RPS6KA2: variants seen among roughly 807,000 people sequenced by gnomAD.
RPS6KA2 encodes ribosomal protein S6 kinase A2.
In RPS6KA2, 42 loss-of-function variants were observed where a neutral mutation model predicts 91.8. The ratio of observed to expected loss-of-function variants is 0.46; its 90% confidence interval spans 0.36 to 0.59. The LOEUF is 0.59. Ranked by LOEUF, RPS6KA2 falls within the 20% of genes least tolerant of loss-of-function variation. The pLI is 0.00. For synonymous variants in RPS6KA2, 414 were observed against 393.6 expected (o/e 1.05, Z -0.61); for missense variants, 798 against 978.5 (o/e 0.82, Z 2.46).
At chr6:166,552,771 C>G (rs1784059887) in intron 1 of RPS6KA2, among the ~76,000 whole-genome samples, 1 of 152,102 alleles carries the variant, frequency 6.6e-6, no homozygotes, top group Non-Finnish European at 1.5e-5. Flanking sequence ...ATCGAGGATG[C>G]TATTTCCGAA....
intron 3 of RPS6KA2, among the ~76,000 whole-genome samples, chr6:166,521,840 C>T (rs148074445): frequency 1.3e-5 from 2 of 152,180 alleles, no homozygotes; most frequent in African/African-American, 4.8e-5. Context: ...ATGTTCCCCC[C>T]ACTAAATTCA....
chr6:166,536,566 T>A (rs898329030), intron 2 of RPS6KA2, among the ~76,000 whole-genome samples: 1 of 152,204 alleles, frequency 6.6e-6, no homozygotes, highest in Admixed American at 6.5e-5. Flanking sequence ...TGAGCAACGC[T>A]TTTGAGAATA....
intron 2 of RPS6KA2, among the ~76,000 whole-genome samples, chr6:166,830,534 A>T (rs1225502719): frequency 1.3e-5 from 2 of 152,110 alleles, no homozygotes; most frequent in Non-Finnish European, 2.9e-5. Flanking sequence ...ATTTCTTTTT[A>T]AAAAAAGCTC....
rs551642317 is a variant in RPS6KA2, at chr6:166,418,082, T to C, written c.1938+143A>G. ...CAGCCTGGGTGAGACAGAGCGAGAC[T>C]CCATTTCAAGAAAAAAAAAAAAATA... On this transcript the variant is annotated intron_variant, in intron 19 of 20. Coordinates refer to ENST00000265678, the MANE Select transcript of RPS6KA2 (RefSeq NM_021135.6). This position sits in a 1 kb window ranked among gnomAD's most constrained non-coding sequence, Gnocchi z 4.9. The C allele has an allele frequency of 1.6e-4, 105 of 640,240 alleles. No individual in the cohort carries two copies. The East Asian group carries it at 2.5e-3, about 15-fold the overall frequency. The allele number at this position is 640,240 out of a possible 1,614,324, so 39.7% of individuals were successfully genotyped here.
At chr6:166,839,304 A>G (rs982319703) in intron 2 of RPS6KA2, among the ~76,000 whole-genome samples, 3 of 152,052 alleles carry the variant, frequency 2.0e-5, no homozygotes, top group African/African-American at 7.2e-5. Flanking sequence ...TATATATTTT[A>G]TACTGTGATG....
chr6:166,788,935 C>T (rs140021569), intron 2 of RPS6KA2, among the ~76,000 whole-genome samples: 32 of 152,236 alleles, frequency 2.1e-4, no homozygotes, highest in African/African-American at 6.5e-4. Context: ...GGGTGAGTGA[C>T]GCAGAAGACA....
intron 10 of RPS6KA2, among the ~76,000 whole-genome samples, chr6:166,480,347 C>T (rs1015151820): frequency 2.5e-4 from 38 of 151,700 alleles, no homozygotes; most frequent in East Asian, 5.8e-4. Flanking sequence ...AAAACATTCA[C>T]GGAAAGCAAC....
Position 166,612,882 on chromosome 6 carries a change from A to G in RPS6KA2, c.99+14039T>C, listed in dbSNP as rs888200695. ...CCCACTTGTTTCTTGACTCTTCTCC[A>G]CTCTTCCCCTTCTCTTGTCTTTCTT... On this transcript the variant is annotated intron_variant, in intron 1 of 20. Coordinates refer to ENST00000265678, the MANE Select transcript of RPS6KA2 (RefSeq NM_021135.6). The surrounding 1 kb of genome is among the most constrained non-coding windows in gnomAD (Gnocchi z 4.3). Among the ~76,000 whole-genome samples the G allele has an allele frequency of 2.7e-5, 4 of 150,890 alleles. No individual in the cohort carries two copies. The highest frequency in any genetic ancestry group is 6.6e-5 in the Admixed American group (1 of 15,192).
intron 2 of RPS6KA2, among the ~76,000 whole-genome samples, chr6:166,685,308 G>C (rs9348172): frequency 0.011 from 1,222 of 111,194 alleles, no homozygotes; most frequent in African/African-American, 0.023. Context: ...AGGCTGGAAG[G>C]ACAGAGGCCG....
intron 2 of RPS6KA2, among the ~76,000 whole-genome samples, chr6:166,761,685 A>G (rs564230610): frequency 7.9e-5 from 12 of 152,306 alleles, no homozygotes; most frequent in Admixed American, 7.8e-4. Flanking sequence ...GTTCACTTCC[A>G]TATCTTTGGA....
chr6:166,497,906 A>G (rs1458573537), intron 8 of RPS6KA2, among the ~76,000 whole-genome samples: 2 of 151,994 alleles, frequency 1.3e-5, no homozygotes, highest in East Asian at 1.9e-4. Flanking sequence ...CAGATTCCAG[A>G]GCACTCACTG....
At chr6:166,771,134 T>G (rs1051281123) in intron 2 of RPS6KA2, among the ~76,000 whole-genome samples, 6 of 152,238 alleles carry the variant, frequency 3.9e-5, no homozygotes, top group African/African-American at 1.2e-4. Flanking sequence ...TTGCGACTTT[T>G]GTGCAACTTT....
At chr6:166,517,473 T>G (rs1782694549) in intron 3 of RPS6KA2, among the ~76,000 whole-genome samples, 2 of 60,722 alleles carry the variant, frequency 3.3e-5, no homozygotes, top group East Asian at 9.0e-4. Context: ...TTTTTTTTTT[T>G]TTTTTTTTTT....
Position 166,840,950 on chromosome 6 carries a change from C to T in RPS6KA2, c.123+17250G>A, listed in dbSNP as rs181168066. On this transcript the variant is annotated intron_variant, in intron 2 of 21. Transcript: ENST00000503859. ...TACACTCCAGCCTGGGCAACAAGAG[C>T]GAAACTTTGTCTAAAGAAAAAAAAA... is the stretch of plus-strand genomic sequence containing the variant. Among the ~76,000 whole-genome samples the T allele has an allele frequency of 1.5e-3, 222 of 148,914 alleles. 1 individual carries two copies. Among genetic ancestry groups the T allele is most frequent in the African/African-American group, 5.1e-3 (205 of 40,210 alleles).
At chr6:166,595,720 A>G (rs1785512832) in intron 1 of RPS6KA2, among the ~76,000 whole-genome samples, 1 of 152,256 alleles carries the variant, frequency 6.6e-6, no homozygotes, top group South Asian at 2.1e-4. Context: ...AATGATCTTA[A>G]GGAAGTCATT....
intron 2 of RPS6KA2, among the ~76,000 whole-genome samples, chr6:166,640,226 A>AT (rs1307233973): frequency 6.6e-6 from 1 of 152,094 alleles, no homozygotes; most frequent in Non-Finnish European, 1.5e-5. Context: ...AAAGGAAAAA[A>AT]AAAACCCATC....
At chr6:166,576,127 A>G (rs1784831239) in intron 1 of RPS6KA2, among the ~76,000 whole-genome samples, 1 of 152,192 alleles carries the variant, frequency 6.6e-6, no homozygotes, top group Non-Finnish European at 1.5e-5. Flanking sequence ...CCACCATGTA[A>G]GAAGTACCTT....
chr6:166,792,168 C>T (rs11757802), intron 2 of RPS6KA2, among the ~76,000 whole-genome samples: 18 of 151,990 alleles, frequency 1.2e-4, no homozygotes, highest in South Asian at 2.1e-4. Flanking sequence ...GTGATAAAGG[C>T]GATATCATCA....
chr6:166,655,887 T>A (rs1787986255), intron 2 of RPS6KA2, among the ~76,000 whole-genome samples: 1 of 152,110 alleles, frequency 6.6e-6, no homozygotes, highest in South Asian at 2.1e-4. Flanking sequence ...CCCCAGCAGG[T>A]GCACTCGGAG....
Sources: allele counts gnomAD v4.1 joint callset (sites outside exome capture counted in the v4.1 genomes callset), GRCh38; gene constraint gnomAD v4.1.1; non-coding constraint Gnocchi (gnomAD v3.1); transcripts MANE v1.5; gene names NCBI Gene and HGNC (gene_info 2026-07-23, HGNC 2026-07-21).